CEP57: variants seen among roughly 807,000 people sequenced by gnomAD.
CEP57 encodes centrosomal protein 57, also known as centrosomal protein of 57 kDa.
In CEP57, 40 loss-of-function variants were observed where a neutral mutation model predicts 68.0. The observed-to-expected ratio is 0.59, with a 90% CI of 0.46 to 0.77. CEP57 has a LOEUF of 0.77. CEP57 is among the 30% of genes least tolerant of loss of function. The probability of loss-of-function intolerance (pLI) is 0.00; values close to 1 mark genes in which losing one functional copy is unlikely to be tolerated. For missense variants in CEP57, 606 were observed against 580.7 expected, an observed-to-expected ratio of 1.04 and a Z score of -0.45; for synonymous variants, 219 against 198.7, an observed-to-expected ratio of 1.10 and a Z score of -0.86.
intron 1 of CEP57, 98 bp downstream of exon 1, chr11:95,790,841 A>G: frequency 2.8e-6 from 4 of 1,409,702 alleles, no homozygotes; most frequent in Non-Finnish European, 3.0e-6. Flanking sequence ...CTTCTGACGC[A>G]ATTCTGGAGG....
At chr11:95,829,037 G>A (rs537497184) in intron 9 of CEP57, 150 bp from the exon 10 acceptor site, 16 of 723,680 alleles carry the variant, frequency 2.2e-5, no homozygotes, top group East Asian at 1.7e-4. Flanking sequence ...GCAAGACTCC[G>A]TCTCAAAAAA....
At chr11:95,791,333 CG>C (rs529105027) in intron 1 of CEP57, among the ~76,000 whole-genome samples, 2 of 152,232 alleles carry the variant, frequency 1.3e-5, no homozygotes, top group South Asian at 4.1e-4. Flanking sequence ...TTTGGAGAGG[CG>C]ACAGGGGGAA....
chr11:95,827,250 A>T (rs1862782393), intron 8 of CEP57: 1 of 154,292 alleles, frequency 6.5e-6, no homozygotes, highest in Non-Finnish European at 1.4e-5. Flanking sequence ...TCCAGGATAC[A>T]GAAATGAACA....
chr11:95,791,179 C>T (rs147269489), intron 1 of CEP57, among the ~76,000 whole-genome samples: 14 of 152,290 alleles, frequency 9.2e-5, no homozygotes, highest in African/African-American at 3.4e-4. Flanking sequence ...CTCTCGAGCG[C>T]TTACTAGTCG....
chr11:95,802,588 T>G (rs1452497068), intron 2 of CEP57, among the ~76,000 whole-genome samples: 2 of 152,138 alleles, frequency 1.3e-5, no homozygotes, highest in Non-Finnish European at 2.9e-5. Flanking sequence ...ATCAAGGACA[T>G]TGTGGCTTAG....
intron 2 of CEP57, among the ~76,000 whole-genome samples, chr11:95,811,004 T>C (rs1363677126): frequency 6.6e-6 from 1 of 152,188 alleles, no homozygotes; most frequent in African/African-American, 2.4e-5. Flanking sequence ...GTAAACTAGT[T>C]CAACCATTGT....
intron 4 of CEP57, among the ~76,000 whole-genome samples, chr11:95,814,202 G>A (rs1412887413): frequency 2.0e-5 from 3 of 152,012 alleles, no homozygotes; most frequent in South Asian, 4.1e-4. Flanking sequence ...ACAGGCGCAT[G>A]CCACGATGCC....
At chr11:95,821,999 C>A in intron 7 of CEP57, 21 bp downstream of exon 7, 1 of 1,523,350 alleles carries the variant, frequency 6.6e-7, no homozygotes, top group Non-Finnish European at 9.1e-7. Context: ...AGAACCAAAT[C>A]AGGCAAAATG....
At chr11:95,823,399 A>AT in intron 8 of CEP57, among the ~76,000 whole-genome samples, 1 of 151,992 alleles carries the variant, frequency 6.6e-6, no homozygotes, top group Non-Finnish European at 1.5e-5. Flanking sequence ...ATCTTGGAAA[A>AT]TTTTTTGGAG....
At chr11:95,819,047 A>G in intron 6 of CEP57, 143 bp downstream of exon 6, 2 of 692,106 alleles carry the variant, frequency 2.9e-6, no homozygotes. Context: ...GTTAATGTAG[A>G]AAATTATGAA....
chr11:95,829,600 T>C (rs1367963975), intron 10 of CEP57, among the ~76,000 whole-genome samples: 1 of 152,228 alleles, frequency 6.6e-6, no homozygotes, highest in Non-Finnish European at 1.5e-5. Flanking sequence ...CTTTGATGAA[T>C]TTAAATTGGA....
intron 4 of CEP57, among the ~76,000 whole-genome samples, chr11:95,814,637 G>A (rs1469872378): frequency 6.6e-6 from 1 of 152,176 alleles, no homozygotes; most frequent in Non-Finnish European, 1.5e-5. Flanking sequence ...TGGAATTACA[G>A]GCATGAGCCA....
chr11:95,794,635 G>T (rs1386245613), intron 1 of CEP57, among the ~76,000 whole-genome samples: 2 of 151,980 alleles, frequency 1.3e-5, no homozygotes, highest in African/African-American at 2.4e-5. Context: ...TGTCTGTTAA[G>T]ACTGTTCCAG....
chr11:95,802,187 A>G (rs1485388403), intron 2 of CEP57, among the ~76,000 whole-genome samples: 1 of 152,162 alleles, frequency 6.6e-6, no homozygotes, highest in African/African-American at 2.4e-5. Flanking sequence ...TTAAAGAATG[A>G]GCACAGTTCT....
At chr11:95,795,167 C>G (rs1223751599) in intron 1 of CEP57, among the ~76,000 whole-genome samples, 1 of 152,132 alleles carries the variant, frequency 6.6e-6, no homozygotes, top group African/African-American at 2.4e-5. Context: ...TATTGAATTT[C>G]TAGCTTAATT....
intron 5 of CEP57, among the ~76,000 whole-genome samples, chr11:95,818,343 G>A (rs765996046): frequency 3.3e-5 from 5 of 151,498 alleles, no homozygotes; most frequent in African/African-American, 7.3e-5. Flanking sequence ...ACCAGGAGGC[G>A]GAGGTTGTTG....
At chr11:95,790,395 C>T (rs1442788815), upstream of CEP57, 2 of 499,518 alleles carry the variant, frequency 4.0e-6, no homozygotes, top group Non-Finnish European at 7.2e-6. Flanking sequence ...CCGTTACGCG[C>T]TACCTTGTGA....
chr11:95,799,138 A>G (rs1376283904), intron 1 of CEP57, 94 bp from the exon 2 acceptor site: 3 of 1,244,414 alleles, frequency 2.4e-6, no homozygotes, highest in East Asian at 2.4e-5. Context: ...TGTTGTCTGT[A>G]TGGACAGTCA....
In CEP57 at chr11:95,817,847, T is replaced by C. The variant is rs759061888; in HGVS notation, c.565T>C (p.Leu189=). Residue 189 remains leucine (L), a synonymous_variant, in exon 5 of 11, where the codon TTG becomes CTG. Coordinates refer to ENST00000325542, the MANE Select transcript of CEP57 (RefSeq NM_014679.5). ...QTHVQSQLEK[L]DLLEQEYNKL... is the part of the protein sequence containing the mutation. ...ACATGTTCAGAGCCAACTTGAAAAA[T>C]TGGATCTTCTTGAACAGGAGTATAA... The C allele has an allele frequency of 8.1e-6, 13 of 1,613,896 alleles. No individual in the cohort carries two copies. Among genetic ancestry groups the C allele is most frequent in the Admixed American group, 3.3e-5 (2 of 60,006 alleles).
Sources: allele counts gnomAD v4.1 joint callset (sites outside exome capture counted in the v4.1 genomes callset), GRCh38; gene constraint gnomAD v4.1.1; transcripts MANE v1.5; gene names NCBI Gene and HGNC (gene_info 2026-07-23, HGNC 2026-07-21).